CHD2: variants seen among roughly 807,000 people sequenced by gnomAD.
CHD2 encodes the protein ATP-dependent chromatin remodeler CHD2.
A neutral mutation model predicts 243.9 loss-of-function variants in CHD2; 28 were observed. That is an observed-to-expected ratio of 0.11 (90% confidence interval 0.09 to 0.16). The LOEUF (loss-of-function observed/expected upper bound fraction) is 0.16, where lower values mean the gene tolerates loss of function less well. CHD2 is among the 10% of genes least tolerant of loss of function. The pLI is 1.00. For missense variants in CHD2, 1,386 were observed against 2,209.8 expected, an observed-to-expected ratio of 0.63 and a Z score of 7.47; for synonymous variants, 775 against 779.0, an observed-to-expected ratio of 0.99 and a Z score of 0.09.
At position 93,000,611 on chromosome 15, in the gene CHD2, G is replaced by A. The variant is rs2054242398; in HGVS notation, c.4108G>A (p.Asp1370Asn). 2 of 1,613,404 alleles carry A rather than the reference G, an allele frequency of 1.2e-6. No individual in the cohort carries two copies. Among genetic ancestry groups the A allele is most frequent in the South Asian group, 1.1e-5 (1 of 91,010 alleles). The change falls in exon 32 of 39, where the codon GAT (aspartate) becomes AAT (asparagine). Residue 1370 changes from aspartate (D) to asparagine (N), a missense_variant. Coordinates refer to ENST00000394196, the MANE Select transcript of CHD2 (RefSeq NM_001271.4). ...GIELSSPRHS[D>N]NPSEEGEVKD... The stretch of plus-strand genomic sequence containing the variant: ...TGAGCTTTCATCTCCTAGGCATTCA[G>A]ATAATCCATCAGAAGAGGGAGAAGT...
At chr15:92,922,700 G>C (rs968729743) in intron 2 of CHD2, among the ~76,000 whole-genome samples, 4 of 152,034 alleles carry the variant, frequency 2.6e-5, no homozygotes, top group Non-Finnish European at 5.9e-5. Context: ...GTTTTTCCTT[G>C]CCCCCCTCAG....
intron 2 of CHD2, among the ~76,000 whole-genome samples, chr15:92,909,939 C>CGT (rs57621949): frequency 0.021 from 3,114 of 149,156 alleles, 59 homozygotes; most frequent in Admixed American, 0.069. Flanking sequence ...AAGGGTTTTA[C>CGT]GTGTGTGTGT....
chr15:92,994,378 CTTT>C (rs1312418300), intron 28 of CHD2, among the ~76,000 whole-genome samples: 2 of 151,734 alleles, frequency 1.3e-5, no homozygotes, highest in African/African-American at 2.4e-5. Flanking sequence ...TTCTTTTTTT[CTTT>C]TTAAGATTTT....
At chr15:92,988,364 C>T (rs769635656) in intron 26 of CHD2, among the ~76,000 whole-genome samples, 1 of 152,132 alleles carries the variant, frequency 6.6e-6, no homozygotes, top group Non-Finnish European at 1.5e-5. Context: ...GGATTAGAAG[C>T]GTGAGCCACC....
chr15:93,004,570 T>C (rs1596452014), intron 33 of CHD2, 47 bp from the exon 34 acceptor site: 4 of 1,555,938 alleles, frequency 2.6e-6, no homozygotes, highest in African/African-American at 2.7e-5. Context: ...AATCGCACGG[T>C]AGGATTGCAC....
chr15:92,988,910 G>A (rs2054079741), intron 26 of CHD2, among the ~76,000 whole-genome samples: 1 of 149,866 alleles, frequency 6.7e-6, no homozygotes, highest in Admixed American at 6.7e-5. Context: ...TTTAACTCTT[G>A]TAAATATTTA....
chr15:92,941,855 A>C lies in CHD2; in HGVS notation c.726A>C (p.Ser242=). The C allele has an allele frequency of 6.2e-7, 1 of 1,613,444 alleles. No homozygotes were observed. Among genetic ancestry groups the C allele is most frequent in the African/African-American group, 1.3e-5 (1 of 75,036 alleles). The change falls in exon 8 of 39, where the codon TCA becomes TCC. Residue 242 remains serine (S), a synonymous_variant. Coordinates refer to ENST00000394196, the MANE Select transcript of CHD2 (RefSeq NM_001271.4). ...AAGATGATGACTTTGAGACTGACTC[A>C]GATGATCTCATTGAAATGACTGGAG... ...YKEDDDFETD[S]DDLIEMTGEG...
intron 4 of CHD2, 137 bp downstream of exon 4, chr15:92,927,467 TGACCAGATACAG>T: frequency 1.7e-6 from 1 of 593,228 alleles, no homozygotes; most frequent in Non-Finnish European, 3.0e-6. Context: ...GAGCTATCTA[TGACCAGATACAG>T]TAAGGCAAGA....
In CHD2 at chr15:93,000,088, G is replaced by T. The variant is rs1374346670; in HGVS notation, c.4009-424G>T. Among the ~76,000 whole-genome samples, 23 of 152,110 alleles carry T rather than the reference G, an allele frequency of 1.5e-4. 1 individual carries two copies. The highest frequency in any genetic ancestry group is 1.5e-3 in the Admixed American group (23 of 15,282). On this transcript the variant is annotated intron_variant, in intron 31 of 38. Coordinates refer to ENST00000394196, the MANE Select transcript of CHD2 (RefSeq NM_001271.4). ...AGCCTGACCAACATGGCGAAACCCTGTTTCTACTAAAGACACACAAAAAAT... is the reference window on the plus strand; with the variant it reads ...AGCCTGACCAACATGGCGAAACCCTTTTTCTACTAAAGACACACAAAAAAT...
At chr15:92,904,739 T>A in intron 2 of CHD2, 1 of 1,393,860 alleles carries the variant, frequency 7.2e-7, no homozygotes. Flanking sequence ...TTGCCCAGTT[T>A]TACATTTTCC....
chr15:93,017,579 T>C (rs1056509097), intron 37 of CHD2, among the ~76,000 whole-genome samples: 53 of 143,418 alleles, frequency 3.7e-4, no homozygotes, highest in African/African-American at 1.2e-3. Context: ...ACTCCTGACC[T>C]CAGGTGATCC....
chr15:93,016,541 G>C (rs1196141841), intron 37 of CHD2, among the ~76,000 whole-genome samples: 2 of 152,084 alleles, frequency 1.3e-5, no homozygotes, highest in African/African-American at 4.8e-5. Context: ...TTAAAACATT[G>C]CATTGTAATC....
At chr15:92,935,990 TC>T (rs2053260786) in intron 5 of CHD2, among the ~76,000 whole-genome samples, 1 of 152,076 alleles carries the variant, frequency 6.6e-6, no homozygotes, top group Non-Finnish European at 1.5e-5. Context: ...TTGGCTAAAC[TC>T]TGGTACAAAG....
chr15:92,901,072 T>C, intron 1 of CHD2, 95 bp from the exon 2 acceptor site: 1 of 658,736 alleles, frequency 1.5e-6, no homozygotes, highest in East Asian at 2.8e-5. Context: ...GTTGTTGTGT[T>C]ATAACAATAT....
At chr15:93,009,488 A>G in intron 35 of CHD2, 165 bp downstream of exon 35, 2 of 624,098 alleles carry the variant, frequency 3.2e-6, no homozygotes, top group Non-Finnish European at 2.7e-6. Context: ...TCCATGAAAT[A>G]GGCCATTCCA....
At chr15:92,975,997 A>C (rs1255767232) in intron 20 of CHD2, among the ~76,000 whole-genome samples, 1 of 152,092 alleles carries the variant, frequency 6.6e-6, no homozygotes, top group South Asian at 2.1e-4. Flanking sequence ...CTGATACCCC[A>C]CTTCATAATA....
At chr15:92,932,514 A>C (rs746398625) in intron 5 of CHD2, among the ~76,000 whole-genome samples, 2 of 129,410 alleles carry the variant, frequency 1.5e-5, no homozygotes, top group South Asian at 4.7e-4. Context: ...TCATTGTTCA[A>C]TTCCCACCTA....
At chr15:93,012,314 A>G (rs373268058) in intron 35 of CHD2, 31 bp from the exon 36 acceptor site, 1 of 1,489,402 alleles carries the variant, frequency 6.7e-7, no homozygotes, top group African/African-American at 1.4e-5. Flanking sequence ...TAATTCTATA[A>G]TTCACCAGAA....
intron 16 of CHD2, among the ~76,000 whole-genome samples, chr15:92,963,954 G>T (rs1259724939): frequency 6.6e-6 from 1 of 152,236 alleles, no homozygotes; most frequent in African/African-American, 2.4e-5. Flanking sequence ...GCCATGATTT[G>T]CTTTTGTGTA....
Sources: gnomAD v4.1 joint callset for allele counts (sites outside exome capture counted in the v4.1 genomes callset) on GRCh38, gnomAD v4.1.1 for gene constraint, MANE v1.5 for transcripts, NCBI Gene and HGNC (gene_info 2026-07-23, HGNC 2026-07-21) for gene names.